The following ADGRB1 variants were observed in gnomAD, a reference collection of about 807,000 sequenced individuals.
ADGRB1 encodes the protein brain-specific angiogenesis inhibitor 1.
Under a neutral mutation model 175.7 loss-of-function variants are expected in ADGRB1, and 36 were observed. The ratio of observed to expected loss-of-function variants is 0.20; its 90% CI spans 0.16 to 0.27. The LOEUF (loss-of-function observed/expected upper bound fraction) is 0.27, where lower values mean the gene tolerates loss of function less well. Among genes scored for constraint, ADGRB1 ranks in the 10% least tolerant of loss-of-function variants. The pLI, the probability that ADGRB1 is intolerant of heterozygous loss-of-function variation, is 1.00. For missense variants in ADGRB1, 1,731 were observed against 2,255.3 expected (o/e 0.77, Z 4.71); for synonymous variants, 1,054 against 979.4 (o/e 1.08, Z -1.42).
At chr8:142,539,599 C>T in intron 27 of ADGRB1, 186 bp downstream of exon 27, 1 of 681,476 alleles carries the variant, frequency 1.5e-6, no homozygotes, top group Non-Finnish European at 2.5e-6. Flanking sequence ...CAGCCTTCCA[C>T]CCCCGTCCAC....
intron 20 of ADGRB1, 95 bp downstream of exon 20, chr8:142,521,020 A>T (rs1029820187): frequency 3.2e-5 from 40 of 1,258,882 alleles, no homozygotes; most frequent in Non-Finnish European, 4.3e-5. Flanking sequence ...TCCCTGGGAA[A>T]CTCAGGCAGG....
intron 25 of ADGRB1, among the ~76,000 whole-genome samples, chr8:142,533,731 G>A (rs529663520): frequency 1.3e-5 from 2 of 152,284 alleles, no homozygotes; most frequent in East Asian, 1.9e-4. Context: ...CGTGGGGGAC[G>A]AAAGCACATG....
Position 142,543,845 on chromosome 8 carries a change from T to C in ADGRB1, c.4557+137T>C. 1 of 937,980 alleles carries C rather than the reference T, an allele frequency of 1.1e-6. No individual in the cohort carries two copies. The highest frequency in any genetic ancestry group is 1.6e-6 in the Non-Finnish European group (1 of 609,956). 58.1% of individuals were successfully genotyped at this position (937,980 alleles called of 1,614,324 possible). A position where few individuals can be genotyped will look rare whatever the true frequency, so the allele number is the denominator to read the frequency against. On this transcript the variant is annotated intron_variant, in intron 30 of 30. Coordinates refer to ENST00000517894, the MANE Select transcript of ADGRB1 (RefSeq NM_001702.3). The surrounding 1 kb of genome is among the most constrained non-coding windows in gnomAD (Gnocchi z 4.4). ...GTTCATTCATTCATTCATTCGCCCA[T>C]CCCTGAGGGCTGGCCTGACCCTGCC... is the stretch of plus-strand genomic sequence containing the variant.
chr8:142,478,374 C>T lies in ADGRB1; in HGVS notation c.1561+14C>T. On this transcript the variant is annotated intron_variant, in intron 7 of 30. Coordinates refer to ENST00000517894, the MANE Select transcript of ADGRB1 (RefSeq NM_001702.3). ...AGCAGTGCCCAGGTCAGGGGTGCGC[C>T]AGGCTGGGGTCGGGGGGCACCTAAC... 6.3e-7 allele frequency: 1 copy of T among 1,584,676 alleles called. No homozygotes were observed. The highest frequency in any genetic ancestry group is 8.6e-7 in the Non-Finnish European group (1 of 1,163,926).
Position 142,510,995 on chromosome 8 carries a change from C to T in ADGRB1, c.2739C>T (p.Pro913=). ...PWSWRGCRTV[P]LDALRTRCLC... Reference sequence around the variant, plus strand: ...CGTGGCGCGGCTGCCGCACGGTGCCCCTCGACGCCCTCCGGACGCGCTGCC... The same window carrying T: ...CGTGGCGCGGCTGCCGCACGGTGCCTCTCGACGCCCTCCGGACGCGCTGCC... Residue 913 remains proline (P), a synonymous_variant, in exon 18 of 31, where the codon CCC becomes CCT. Coordinates refer to ENST00000517894, the MANE Select transcript of ADGRB1 (RefSeq NM_001702.3). This position sits in a 1 kb window ranked among gnomAD's most constrained non-coding sequence, Gnocchi z 6.3. 7.5e-7 allele frequency: 1 copy of T among 1,327,040 alleles called. No homozygotes were observed. Among genetic ancestry groups the T allele is most frequent in the African/African-American group, 1.6e-5 (1 of 64,004 alleles). The allele number at this position is 1,327,040 out of a possible 1,614,324, so 82.2% of individuals were successfully genotyped here.
At chr8:142,459,676 A>G (rs1238010033) in intron 1 of ADGRB1, among the ~76,000 whole-genome samples, 2 of 152,240 alleles carry the variant, frequency 1.3e-5, no homozygotes, top group African/African-American at 4.8e-5. Flanking sequence ...ACAGGCACAC[A>G]GGAACACATG....
intron 1 of ADGRB1, among the ~76,000 whole-genome samples, chr8:142,458,940 G>A (rs968098418): frequency 4.6e-5 from 7 of 152,180 alleles, no homozygotes; most frequent in East Asian, 1.9e-4. Context: ...CAAGACAATC[G>A]CCCACTTCTC....
intron 1 of ADGRB1, among the ~76,000 whole-genome samples, chr8:142,451,393 AC>A (rs1839341348): frequency 6.6e-6 from 1 of 152,022 alleles, no homozygotes; most frequent in Non-Finnish European, 1.5e-5. Flanking sequence ...CTAGGCTGGG[AC>A]CCGAAGAGCC....
chr8:142,483,822 C>T (rs1188402597), intron 11 of ADGRB1, among the ~76,000 whole-genome samples, 155 bp from the exon 12 acceptor site: 1 of 151,258 alleles, frequency 6.6e-6, no homozygotes, highest in Non-Finnish European at 1.5e-5. Flanking sequence ...GCTCTGGTCA[C>T]AGTGAGCTCT....
At position 142,510,549 on chromosome 8, in the gene ADGRB1, C is replaced by T. The variant is rs1297451926; in HGVS notation, c.2676-383C>T. Among the ~76,000 whole-genome samples the T allele has an allele frequency of 1.3e-5, 2 of 149,566 alleles. No individual in the cohort carries two copies. The highest frequency in any genetic ancestry group is 4.9e-5 in the African/African-American group (2 of 41,102). On this transcript the variant is annotated intron_variant, in intron 17 of 30. Transcript: ENST00000517894. The surrounding 1 kb of genome is among the most constrained non-coding windows in gnomAD (Gnocchi z 6.3). ...CCCACGCGCCCCTCCGGGCCTCCCCCTCCTTCCCGCGCGGGCCGGGGGCGC... is the reference window on the plus strand; with the variant it reads ...CCCACGCGCCCCTCCGGGCCTCCCCTTCCTTCCCGCGCGGGCCGGGGGCGC...
chr8:142,474,885 C>T lies in ADGRB1; in HGVS notation c.785-589C>T, dbSNP rs989568633. ...CCAGGGCAGGCTCCGTCAGGCTGTG[C>T]CCTGGGTTCGAGGCCCTGGTTGGAC... On this transcript the variant is annotated intron_variant, in intron 2 of 30. Coordinates refer to ENST00000517894, the MANE Select transcript of ADGRB1 (RefSeq NM_001702.3). This position sits in a 1 kb window ranked among gnomAD's most constrained non-coding sequence, Gnocchi z 5.8. Among the ~76,000 whole-genome samples the T allele has an allele frequency of 1.3e-5, 2 of 152,164 alleles. No homozygotes were observed. Among genetic ancestry groups the T allele is most frequent in the African/African-American group, 2.4e-5 (1 of 41,432 alleles).
intron 2 of ADGRB1, 60 bp downstream of exon 2, chr8:142,465,042 AGACAGGGGAGGCGG>A (rs1840187854): frequency 1.5e-6 from 1 of 657,580 alleles, no homozygotes; most frequent in Non-Finnish European, 2.1e-6. Context: ...GGAGGCGGGC[AGACAGGGGAGGCGG>A]GCGGATGGGG....
intron 18 of ADGRB1, among the ~76,000 whole-genome samples, chr8:142,515,136 C>T (rs9657474): frequency 0.29 from 44,660 of 151,824 alleles, 6,893 homozygotes; most frequent in African/African-American, 0.39. Context: ...GGAGGGCCTC[C>T]GAGAATTGGT....
chr8:142,516,181 GTGCGTGTGTGGGGGCCCCAGGTGCA>G (rs1843405693), intron 18 of ADGRB1, among the ~76,000 whole-genome samples: 1 of 150,196 alleles, frequency 6.7e-6, no homozygotes, highest in Non-Finnish European at 1.5e-5. Flanking sequence ...CCCCAGGTGC[GTGCGTGTGTGGGGGCCCCAGGTGCA>G]TGCGTGTGTG....
chr8:142,495,250 A>T (rs879466295), intron 17 of ADGRB1, among the ~76,000 whole-genome samples: 81 of 151,366 alleles, frequency 5.4e-4, no homozygotes, highest in Non-Finnish European at 8.8e-4. Context: ...AGGCAGCGGA[A>T]GAACAGTCTC....
At chr8:142,480,867 C>T (rs1049075603) in intron 9 of ADGRB1, among the ~76,000 whole-genome samples, 1 of 152,116 alleles carries the variant, frequency 6.6e-6, no homozygotes, top group African/African-American at 2.4e-5. Context: ...AGGCTGAGGC[C>T]CCTGTAGCCC....
At position 142,517,235 on chromosome 8, in the gene ADGRB1, C is replaced by T. The variant is rs150761624; in HGVS notation, c.2818-903C>T. 1.3e-4 allele frequency among the ~76,000 whole-genome samples: 20 copies of T among 152,214 alleles called. No homozygotes were observed. The East Asian group carries it at 3.5e-3, about 27-fold the overall frequency. On this transcript the variant is annotated intron_variant, in intron 18 of 30. Transcript: ENST00000517894. ...AGAGCCGGGTGGGACATTTGGACAA[C>T]GCCCAGGGCAGGAGAGTCAGGGAGG...
At chr8:142,528,217 G>A (rs549160517) in intron 24 of ADGRB1, among the ~76,000 whole-genome samples, 11 of 152,354 alleles carry the variant, frequency 7.2e-5, no homozygotes, top group South Asian at 2.1e-4. Context: ...GCAGACACAC[G>A]GAAAGGGGAC....
At chr8:142,515,881 A>G (rs1243872740) in intron 18 of ADGRB1, among the ~76,000 whole-genome samples, 1 of 152,262 alleles carries the variant, frequency 6.6e-6, no homozygotes, top group African/African-American at 2.4e-5. Flanking sequence ...CCTGCCGGGC[A>G]CGGCATCACT....
Sources: allele counts gnomAD v4.1 joint callset (sites outside exome capture counted in the v4.1 genomes callset), GRCh38; gene constraint gnomAD v4.1.1; non-coding constraint Gnocchi (gnomAD v3.1); transcripts MANE v1.5; gene names NCBI Gene and HGNC (gene_info 2026-07-23, HGNC 2026-07-21).